Variants in LGSN observed in about 807,000 individuals in gnomAD.
LGSN encodes the protein lengsin.
Under a neutral mutation model 19.5 loss-of-function variants are expected in LGSN, and 21 were observed. That is an observed-to-expected ratio of 1.07 (90% CI 0.76 to 1.55). The LOEUF is 1.55. Among genes scored for constraint, LGSN ranks in the 40% most tolerant of loss-of-function variants. The pLI is 0.00. For synonymous variants in LGSN, 257 were observed against 215.6 expected, an observed-to-expected ratio of 1.19 and a Z score of -1.68; for missense variants, 673 against 608.5, an observed-to-expected ratio of 1.11 and a Z score of -1.12.
chr6:63,538,570 C>T, the LGSN span, among the ~76,000 whole-genome samples: 1 of 151,894 alleles, frequency 6.6e-6, no homozygotes, highest in African/African-American at 2.4e-5. Flanking sequence ...GAAACTTGGT[C>T]CAAGCATATA....
At chr6:63,458,357 G>A in the LGSN span, among the ~76,000 whole-genome samples, 100 of 152,218 alleles carry the variant, frequency 6.6e-4, no homozygotes, top group African/African-American at 2.2e-3. Context: ...ATAAGCCATC[G>A]GGCCCGGCTA....
At chr6:63,431,913 AAAAAATGC>A in the LGSN span, among the ~76,000 whole-genome samples, 1 of 151,548 alleles carries the variant, frequency 6.6e-6, no homozygotes, top group Admixed American at 6.6e-5. Context: ...CTGAAAAAAA[AAAAAATGC>A]AAAAATTAGT....
At chr6:63,324,462 A>G (rs1316013777), upstream of LGSN, among the ~76,000 whole-genome samples, 1 of 152,230 alleles carries the variant, frequency 6.6e-6, no homozygotes, top group East Asian at 1.9e-4. Flanking sequence ...CTGAGAATAC[A>G]CATTGTCTTC....
At chr6:63,506,660 C>T in the LGSN span, among the ~76,000 whole-genome samples, 1 of 152,026 alleles carries the variant, frequency 6.6e-6, no homozygotes, top group Non-Finnish European at 1.5e-5. Context: ...AAATGGTTAA[C>T]CTAGTAGAAG....
chr6:63,563,441 T>C, the LGSN span, among the ~76,000 whole-genome samples: 1 of 152,206 alleles, frequency 6.6e-6, no homozygotes, highest in Non-Finnish European at 1.5e-5. Flanking sequence ...CCTCCCCCTC[T>C]TTTTGTGATT....
the LGSN span, among the ~76,000 whole-genome samples, chr6:63,406,597 C>T: frequency 5.3e-5 from 8 of 150,928 alleles, no homozygotes; most frequent in Non-Finnish European, 1.2e-4. Flanking sequence ...AATTGACACC[C>T]TAACATCACA....
chr6:63,460,215 C>T, the LGSN span, among the ~76,000 whole-genome samples: 2 of 149,800 alleles, frequency 1.3e-5, no homozygotes, highest in Admixed American at 1.3e-4. Context: ...GCCTCAGCCT[C>T]CCAAAGTCCT....
rs1767121814 is a variant in LGSN at position 63,276,974 on chromosome 6, T to C, written c.*3047A>G. On this transcript the variant is annotated 3_prime_UTR_variant, in exon 4 of 4. Transcript: ENST00000370657. ...TGGGTTGCCTTAAAGAACAAGAATATACATCAGCACACACCTAACTGAAAT... is the reference window on the plus strand; with the variant it reads ...TGGGTTGCCTTAAAGAACAAGAATACACATCAGCACACACCTAACTGAAAT... The C allele has an allele frequency of 2.0e-5, 3 of 152,140 alleles. No individual in the cohort carries two copies. The highest frequency in any genetic ancestry group is 6.6e-5 in the Admixed American group (1 of 15,252). 9.4% of individuals were successfully genotyped at this position (152,140 alleles called of 1,614,324 possible). A position where few individuals can be genotyped will look rare whatever the true frequency, so the allele number is the denominator to read the frequency against.
At chr6:63,442,308 AC>A in the LGSN span, among the ~76,000 whole-genome samples, 7 of 152,302 alleles carry the variant, frequency 4.6e-5, no homozygotes, top group African/African-American at 1.7e-4. Context: ...CAGAGAAAGA[AC>A]AAAGCTTCCA....
the LGSN span, among the ~76,000 whole-genome samples, chr6:63,463,660 C>G: frequency 6.6e-6 from 1 of 152,076 alleles, no homozygotes; most frequent in African/African-American, 2.4e-5. Context: ...ATTTGGGAAA[C>G]CATGTTGCTG....
the LGSN span, among the ~76,000 whole-genome samples, chr6:63,413,063 C>G: frequency 6.6e-6 from 1 of 152,068 alleles, no homozygotes; most frequent in Non-Finnish European, 1.5e-5. Flanking sequence ...GTATCATAAT[C>G]CCTATAAACC....
the LGSN span, among the ~76,000 whole-genome samples, chr6:63,533,412 T>C: frequency 2.6e-4 from 40 of 152,248 alleles, no homozygotes; most frequent in African/African-American, 9.6e-4. Context: ...GAATATATCT[T>C]GTCATTAAAA....
the LGSN span, among the ~76,000 whole-genome samples, chr6:63,390,247 A>G: frequency 6.8e-6 from 1 of 146,750 alleles, no homozygotes; most frequent in Non-Finnish European, 1.5e-5. Flanking sequence ...CTTGTGCCTC[A>G]GCCTCCCAAG....
the LGSN span, among the ~76,000 whole-genome samples, chr6:63,523,812 C>T: frequency 6.6e-6 from 1 of 151,960 alleles, no homozygotes; most frequent in Non-Finnish European, 1.5e-5. Flanking sequence ...CAGTGGGGCC[C>T]GGAGAAGCCA....
chr6:63,530,861 C>T, the LGSN span, among the ~76,000 whole-genome samples: 1 of 152,052 alleles, frequency 6.6e-6, no homozygotes, highest in Non-Finnish European at 1.5e-5. Context: ...CAAATTGATA[C>T]TTTCTTATAG....
the LGSN span, among the ~76,000 whole-genome samples, chr6:63,503,473 C>T: frequency 5.3e-5 from 8 of 152,324 alleles, no homozygotes; most frequent in South Asian, 8.3e-4. Flanking sequence ...GGACTCGCCC[C>T]GGAATAGATT....
chr6:63,412,772 G>GA, the LGSN span, among the ~76,000 whole-genome samples: 5,068 of 40,946 alleles, frequency 0.12, 248 homozygotes, highest in Non-Finnish European at 0.15. Context: ...AGAAAGAAAG[G>GA]AAGGAAGGGA....
At chr6:63,334,554 C>A in the LGSN span, among the ~76,000 whole-genome samples, 1 of 152,154 alleles carries the variant, frequency 6.6e-6, no homozygotes, top group Non-Finnish European at 1.5e-5. Context: ...TCTACATATT[C>A]AATGCAATCC....
chr6:63,432,179 G>GAAAGAAAGAGAAAGAAAGAAAAGAAAAGA, the LGSN span, among the ~76,000 whole-genome samples: 1 of 113,560 alleles, frequency 8.8e-6, no homozygotes, highest in Non-Finnish European at 1.8e-5. Context: ...GAAAAGGAAA[G>GAAAGAAAGAGAAAGAAAGAAAAGAAAAGA]AAAGAAAAGA....
Sources: allele counts gnomAD v4.1 joint callset (sites outside exome capture counted in the v4.1 genomes callset), GRCh38; gene constraint gnomAD v4.1.1; transcripts MANE v1.5; gene names NCBI Gene and HGNC (gene_info 2026-07-23, HGNC 2026-07-21).